SOAT1: variants seen among roughly 807,000 people sequenced by gnomAD.
SOAT1 encodes acyl-coenzyme A:cholesterol acyltransferase 1.
Under a neutral mutation model 69.5 loss-of-function variants are expected in SOAT1, and 55 were observed. The ratio of observed to expected loss-of-function variants is 0.79; its 90% CI spans 0.64 to 0.99. The LOEUF (loss-of-function observed/expected upper bound fraction) is 0.99, where lower values mean the gene tolerates loss of function less well. Ranked by LOEUF, SOAT1 falls within the 50% of genes least tolerant of loss-of-function variation. The pLI is 0.00. For missense variants in SOAT1, 580 were observed against 669.3 expected (o/e 0.87, Z 1.47); for synonymous variants, 231 against 224.7 (o/e 1.03, Z -0.25).
chr1:179,314,575 G>A (rs1665329496), intron 2 of SOAT1, among the ~76,000 whole-genome samples: 1 of 152,018 alleles, frequency 6.6e-6, no homozygotes, highest in Non-Finnish European at 1.5e-5. Context: ...ATTATGTAGG[G>A]TAAAGTACAT....
At chr1:179,324,986 G>C (rs1397516920) in intron 3 of SOAT1, among the ~76,000 whole-genome samples, 7 of 69,834 alleles carry the variant, frequency 1.0e-4, no homozygotes, top group Admixed American at 1.9e-4. Context: ...GTAATTTTTA[G>C]TAGACATGGG....
rs183578269 is a variant in SOAT1, at chr1:179,302,691, G to A, written c.7G>A (p.Gly3Ser). 132 of 1,595,764 alleles carry A rather than the reference G, an allele frequency of 8.3e-5. No individual in the cohort carries two copies. In the Admixed American group the frequency reaches 1.0e-3, roughly 12 times the overall value. MV[G>S]EEKMSLRNRL... ...TTCTTTCCTAGACAATACAATGGTG[G>A]GTGAAGAGAAGATGTCTCTAAGAAA... The change falls in exon 2 of 16, where the codon GGT (glycine) becomes AGT (serine). Residue 3 changes from glycine to serine, a missense_variant. Transcript: ENST00000367619.
intron 2 of SOAT1, among the ~76,000 whole-genome samples, chr1:179,305,511 A>G (rs181998241): frequency 6.6e-6 from 1 of 152,142 alleles, no homozygotes; most frequent in East Asian, 1.9e-4. Context: ...GTTATTTACA[A>G]TGATTGGCTA....
Position 179,325,024 on chromosome 1 carries a change from A to G in SOAT1, c.177+1529A>G, listed in dbSNP as rs546562133. 5.3e-5 allele frequency among the ~76,000 whole-genome samples: 8 copies of G among 151,730 alleles called. No individual in the cohort carries two copies. In the South Asian group the frequency reaches 6.2e-4, roughly 12 times the overall value. ...TTCACTGCATGCCAGGATGGTCTCA[A>G]TCTCCTGACCTCGTGATCCTCCTGC... On this transcript the variant is annotated intron_variant, in intron 3 of 15. Coordinates refer to ENST00000367619, the MANE Select transcript of SOAT1 (RefSeq NM_003101.6).
In SOAT1 at chr1:179,358,256, C is replaced by T. The variant is rs1046362581; in HGVS notation, c.*4615C>T. 4 of 152,078 alleles carry T rather than the reference C, an allele frequency of 2.6e-5. No individual in the cohort carries two copies. Among genetic ancestry groups the T allele is most frequent in the African/African-American group, 9.7e-5 (4 of 41,402 alleles). 9.4% of individuals were successfully genotyped at this position (152,078 alleles called of 1,614,324 possible). A position where few individuals can be genotyped will look rare whatever the true frequency, so the allele number is the denominator to read the frequency against. On this transcript the variant is annotated 3_prime_UTR_variant, in exon 16 of 16. Transcript: ENST00000367619. ...TATTAAAGTTTAAAAAACTCTAAAA[C>T]TTCTGTACTGTTTTTTTCTTAAGTG...
At chr1:179,306,610 A>ATCACGAG (rs1665012925) in intron 2 of SOAT1, among the ~76,000 whole-genome samples, 1 of 152,056 alleles carries the variant, frequency 6.6e-6, no homozygotes, top group Non-Finnish European at 1.5e-5. Context: ...AGGTGGGCAG[A>ATCACGAG]TCACGAGGTC....
At chr1:179,302,848 A>G (rs1571403160) in intron 2 of SOAT1, 46 bp downstream of exon 2, 1 of 997,636 alleles carries the variant, frequency 1.0e-6, no homozygotes. Context: ...GAAATAGAGA[A>G]CAAATACAGT....
chr1:179,315,611 T>A (rs1053012460), intron 2 of SOAT1, among the ~76,000 whole-genome samples: 4 of 152,366 alleles, frequency 2.6e-5, no homozygotes, highest in Admixed American at 6.5e-5. Context: ...GGAAAATGAA[T>A]TAGCATTTTA....
chr1:179,345,526 G>A (rs1425572354), intron 11 of SOAT1, among the ~76,000 whole-genome samples: 1 of 151,524 alleles, frequency 6.6e-6, no homozygotes, highest in African/African-American at 2.4e-5. Context: ...ATTGGGTGCT[G>A]CTGACCACAT....
At chr1:179,314,196 T>A (rs1665316011) in intron 2 of SOAT1, among the ~76,000 whole-genome samples, 1 of 152,176 alleles carries the variant, frequency 6.6e-6, no homozygotes, top group African/African-American at 2.4e-5. Flanking sequence ...ACAGCGCTCC[T>A]CTGTATTGTC....
chr1:179,324,964 G>A (rs1470443851), intron 3 of SOAT1, among the ~76,000 whole-genome samples: 3 of 148,402 alleles, frequency 2.0e-5, no homozygotes, highest in Non-Finnish European at 4.5e-5. Context: ...CACCACGCCT[G>A]GCTAATTTTT....
chr1:179,295,624 G>A (rs974499013), intron 1 of SOAT1, among the ~76,000 whole-genome samples: 2 of 152,166 alleles, frequency 1.3e-5, no homozygotes, highest in African/African-American at 2.4e-5. Context: ...CCTGAGGTGC[G>A]AAACAGAGTA....
intron 3 of SOAT1, among the ~76,000 whole-genome samples, chr1:179,324,243 C>T (rs1325337557): frequency 6.6e-6 from 1 of 152,022 alleles, no homozygotes; most frequent in South Asian, 2.1e-4. Flanking sequence ...GAAATGTATG[C>T]CAGATTATTT....
At chr1:179,335,048 A>G (rs1313099222) in intron 3 of SOAT1, among the ~76,000 whole-genome samples, 2 of 151,312 alleles carry the variant, frequency 1.3e-5, no homozygotes, top group South Asian at 4.2e-4. Context: ...GAAAGAAAAA[A>G]GAGAACTTAG....
intron 2 of SOAT1, among the ~76,000 whole-genome samples, chr1:179,319,228 C>CT (rs977591598): frequency 2.7e-3 from 296 of 110,230 alleles, no homozygotes; most frequent in African/African-American, 7.3e-3. Flanking sequence ...GGTTATTGGG[C>CT]TTTTTTTTTT....
chr1:179,344,795 G>C (rs920469717), intron 10 of SOAT1, 152 bp from the exon 11 acceptor site: 3 of 685,170 alleles, frequency 4.4e-6, no homozygotes, highest in Non-Finnish European at 7.7e-6. Flanking sequence ...CTCCCTGAAG[G>C]ATTATAGCAG....
chr1:179,345,121 G>T (rs370830676), intron 11 of SOAT1, 45 bp downstream of exon 11: 3 of 1,604,226 alleles, frequency 1.9e-6, no homozygotes, highest in Non-Finnish European at 2.6e-6. Context: ...AATTCACGAG[G>T]TAAATAGAAA....
chr1:179,342,539 T>A lies in SOAT1; in HGVS notation c.860-323T>A, dbSNP rs186189802. Among the ~76,000 whole-genome samples, 746 of 152,242 alleles carry A rather than the reference T, an allele frequency of 4.9e-3. 7 individuals carry two copies. Among genetic ancestry groups the A allele is most frequent in the African/African-American group, 0.017 (715 of 41,528 alleles). ...GGCTTTGCCCTTGAACCTACAATTTTAAAAAATTGATTATCTTTTGCAACT... is the reference window on the plus strand; with the variant it reads ...GGCTTTGCCCTTGAACCTACAATTTAAAAAAATTGATTATCTTTTGCAACT... On this transcript the variant is annotated intron_variant, in intron 8 of 15. Coordinates refer to ENST00000367619, the MANE Select transcript of SOAT1 (RefSeq NM_003101.6).
At chr1:179,303,249 C>T (rs574612373) in intron 2 of SOAT1, among the ~76,000 whole-genome samples, 10 of 152,216 alleles carry the variant, frequency 6.6e-5, no homozygotes, top group Non-Finnish European at 1.2e-4. Context: ...GGTGCCTAAC[C>T]CAGTTCAATA....
Sources: gnomAD v4.1 joint callset for allele counts (sites outside exome capture counted in the v4.1 genomes callset) on GRCh38, gnomAD v4.1.1 for gene constraint, MANE v1.5 for transcripts, NCBI Gene and HGNC (gene_info 2026-07-23, HGNC 2026-07-21) for gene names.